Variants in SLC29A2 observed in about 807,000 individuals in gnomAD.
SLC29A2 encodes the protein equilibrative nucleoside transporter 2.
A neutral mutation model predicts 48.8 loss-of-function variants in SLC29A2; 37 were observed. The ratio of observed to expected loss-of-function variants is 0.76; its 90% CI spans 0.58 to 1.00. SLC29A2 has a LOEUF of 1.00. SLC29A2 is among the 50% of genes least tolerant of loss of function. The probability of loss-of-function intolerance (pLI) is 0.00; values close to 1 mark genes in which losing one functional copy is unlikely to be tolerated. For missense variants in SLC29A2, 533 were observed against 578.6 expected, an observed-to-expected ratio of 0.92 and a Z score of 0.81; for synonymous variants, 233 against 261.7, an observed-to-expected ratio of 0.89 and a Z score of 1.06.
chr11:66,368,059 C>T (rs192191867), intron 5 of SLC29A2, among the ~76,000 whole-genome samples, 190 bp from the exon 6 acceptor site: 1 of 152,298 alleles, frequency 6.6e-6, no homozygotes, highest in Admixed American at 6.5e-5. Context: ...TCTCACTTTC[C>T]CCATGTGTCA....
chr11:66,369,213 G>C lies in SLC29A2; in HGVS notation c.276-14C>G, dbSNP rs373134285. The C allele has an allele frequency of 8.2e-6, 13 of 1,577,394 alleles. No homozygotes were observed. The highest frequency in any genetic ancestry group is 1.0e-5 in the Non-Finnish European group (12 of 1,162,262). ...GTCTCCGGGACGCTGCTCAGAAGCA[G>C]GCAGAGTGCATCAGTGGGGCCCAGG... On this transcript the variant is annotated splice_polypyrimidine_tract_variant and intron_variant, in intron 3 of 11. Transcript: ENST00000357440.
chr11:66,366,626 C>A (rs575311069), intron 7 of SLC29A2, 62 bp from the exon 8 acceptor site: 17 of 1,578,938 alleles, frequency 1.1e-5, no homozygotes, highest in Non-Finnish European at 8.7e-7. Flanking sequence ...ACAGCCAGGC[C>A]CAACGAAGGG....
rs565145102 is a variant in SLC29A2 at position 66,369,862 on chromosome 11, C to T, written c.112-330G>A. Among the ~76,000 whole-genome samples, 27 of 152,308 alleles carry T rather than the reference C, an allele frequency of 1.8e-4. No homozygotes were observed. The East Asian group carries it at 2.3e-3, about 13-fold the overall frequency. On this transcript the variant is annotated intron_variant, in intron 2 of 11. Transcript: ENST00000357440. The stretch of plus-strand genomic sequence containing the variant: ...ATTCATTCCACGGGTATTTATTGAG[C>T]GCCTACTGTCAGCCAGGCTTTGGCC...
At chr11:66,366,358 C>T (rs1003966322) in intron 8 of SLC29A2, 73 bp downstream of exon 8, 1 of 1,611,976 alleles carries the variant, frequency 6.2e-7, no homozygotes, top group Non-Finnish European at 8.5e-7. Flanking sequence ...CACTGTGACC[C>T]TATGACCTTG....
At chr11:66,366,608 GTTT>G in intron 7 of SLC29A2, 44 bp from the exon 8 acceptor site, 3 of 1,604,980 alleles carry the variant, frequency 1.9e-6, no homozygotes. Flanking sequence ...TGTGACCCAG[GTTT>G]CCCGACAGCC....
At chr11:66,371,405 G>C in intron 1 of SLC29A2, 80 bp from the exon 2 acceptor site, 2 of 1,551,180 alleles carry the variant, frequency 1.3e-6, no homozygotes, top group Admixed American at 3.4e-5. Flanking sequence ...CACCCCCTCC[G>C]GAGCGGACTA....
Position 66,362,907 on chromosome 11 carries a change from C to G in SLC29A2, c.*529G>C. On this transcript the variant is annotated 3_prime_UTR_variant, in exon 12 of 12. Coordinates refer to ENST00000357440, the MANE Select transcript of SLC29A2 (RefSeq NM_001532.3). ...CCAGCTGGGCTCTGCGGAGTGGGTA[C>G]AGTAAGTGTTGGCAATGAAAACACT... is the stretch of plus-strand genomic sequence containing the variant. 1 of 202,460 alleles carries G rather than the reference C, an allele frequency of 4.9e-6. No individual in the cohort carries two copies. Among genetic ancestry groups the G allele is most frequent in the East Asian group, 1.2e-4 (1 of 8,152 alleles). The allele number at this position is 202,460 out of a possible 1,614,324, so 12.5% of individuals were successfully genotyped here.
chr11:66,369,778 T>C (rs1264154228), intron 2 of SLC29A2, among the ~76,000 whole-genome samples: 1 of 152,106 alleles, frequency 6.6e-6, no homozygotes, highest in East Asian at 1.9e-4. Flanking sequence ...GGACGGCCCC[T>C]CCTCTTCAGT....
chr11:66,362,952 C>A lies in SLC29A2; in HGVS notation c.*484G>T. 4.4e-6 allele frequency: 1 copy of A among 228,092 alleles called. No individual in the cohort carries two copies. Among genetic ancestry groups the A allele is most frequent in the African/African-American group, 2.3e-5 (1 of 43,736 alleles). The allele number at this position is 228,092 out of a possible 1,614,324, so 14.1% of individuals were successfully genotyped here. ...AACACTGCTTGAGGCTGAGCCTGGC[C>A]CTTTGAGCACCCTCAGGTCCTCCAC... On this transcript the variant is annotated 3_prime_UTR_variant, in exon 12 of 12. Coordinates refer to ENST00000357440, the MANE Select transcript of SLC29A2 (RefSeq NM_001532.3).
At position 66,366,539 on chromosome 11, in the gene SLC29A2, G is replaced by C; in HGVS notation, c.759C>G (p.Pro253=). The change falls in exon 8 of 12, where the codon CCC becomes CCG. Residue 253 remains proline, a synonymous_variant. Transcript: ENST00000357440. ...GATCCAGGGTCAGAGCTACTTTCTG[G>C]GGACTACTGGGAATCCCGTTCTCAT... ...QSDENGIPSS[P]QKVALTLDLD... 6.2e-7 allele frequency: 1 copy of C among 1,613,914 alleles called. No individual in the cohort carries two copies. The highest frequency in any genetic ancestry group is 2.2e-5 in the East Asian group (1 of 44,876).
chr11:66,366,137 G>A lies in SLC29A2; in HGVS notation c.962C>T (p.Pro321Leu). The A allele has an allele frequency of 1.2e-6, 2 of 1,613,848 alleles. No homozygotes were observed. Among genetic ancestry groups the A allele is most frequent in the Non-Finnish European group, 1.7e-6 (2 of 1,179,726 alleles). Residue 321 changes from proline (P) to leucine (L), a missense_variant, in exon 9 of 12, where the codon CCT becomes CTT. Pro to Leu is a moderately conservative substitution (Grantham distance 98). Coordinates refer to ENST00000357440, the MANE Select transcript of SLC29A2 (RefSeq NM_001532.3). ...ACCCTGACACTCACTCCACTTCCCA[G>A]GACTGGTGGAGCTGGTCACCATGGC... ...ITAMVTSSTS[P>L]GKWSQFFNPI...
chr11:66,368,888 C>T (rs529532521), intron 4 of SLC29A2, among the ~76,000 whole-genome samples, 172 bp downstream of exon 4: 3 of 152,190 alleles, frequency 2.0e-5, no homozygotes, highest in Non-Finnish European at 4.4e-5. Context: ...AGGCCTGCTC[C>T]TAGGTCACCG....
chr11:66,364,158 G>A, intron 11 of SLC29A2, 67 bp downstream of exon 11: 3 of 1,319,486 alleles, frequency 2.3e-6, no homozygotes, highest in East Asian at 2.5e-5. Flanking sequence ...ATTGCAGGCG[G>A]TCCCTTCCCA....
At chr11:66,367,653 T>C in intron 6 of SLC29A2, 105 bp from the exon 7 acceptor site, 2 of 1,475,126 alleles carry the variant, frequency 1.4e-6, no homozygotes, top group South Asian at 1.1e-5. Context: ...GTGTCTTCTC[T>C]GGGGGTCAGG....
intron 7 of SLC29A2, 26 bp downstream of exon 7, chr11:66,367,438 C>T: frequency 3.1e-6 from 5 of 1,605,744 alleles, no homozygotes; most frequent in Middle Eastern, 3.3e-4. Flanking sequence ...CATCTCCCAC[C>T]TCCCCAGGAG....
Position 66,371,584 on chromosome 11 carries a change from C to A in SLC29A2, c.8G>T (p.Arg3Leu), listed in dbSNP as rs372428410. MA[R>L]GDAPRDSYHL... ...TCACCTGTCCCGCGGGGCGTCTCCT[C>A]GCGCCATGGCCGCCGCGGCGGATGC... The change falls in exon 1 of 12, where the codon CGA becomes CTA. Residue 3 changes from arginine to leucine, a missense_variant. Coordinates refer to ENST00000357440, the MANE Select transcript of SLC29A2 (RefSeq NM_001532.3). 1.2e-5 allele frequency: 18 copies of A among 1,549,480 alleles called. No individual in the cohort carries two copies. In the African/African-American group the frequency reaches 1.6e-4, roughly 14 times the overall value.
In SLC29A2 at chr11:66,366,174, G is replaced by T; in HGVS notation, c.925C>A (p.Pro309Thr). 6.2e-7 allele frequency: 1 copy of T among 1,614,218 alleles called. No individual in the cohort carries two copies. The highest frequency in any genetic ancestry group is 1.1e-5 in the South Asian group (1 of 91,088). The stretch of plus-strand genomic sequence containing the variant: ...CTGGTCACCATGGCTGTGATGGCGG[G>T]GAAGACGGACAGGGTGACTGTGAAG... ...LVFTVTLSVF[P>T]AITAMVTSST... The change falls in exon 9 of 12, where the codon CCC (proline) becomes ACC (threonine). Residue 309 changes from proline (P) to threonine (T), a missense_variant. Physicochemically the swap from Pro to Thr is conservative, Grantham distance 38. Coordinates refer to ENST00000357440, the MANE Select transcript of SLC29A2 (RefSeq NM_001532.3).
Position 66,366,498 on chromosome 11 carries a change from T to G in SLC29A2, c.800A>C (p.Glu267Ala), listed in dbSNP as rs766272992. The G allele has an allele frequency of 1.7e-5, 28 of 1,613,950 alleles. 1 individual carries two copies. The South Asian group carries it at 3.1e-4, about 18-fold the overall frequency. ...GGGCTCATCTGGCTCTGATTCCGGC[T>G]CCTTCTCCAGGTCAAGATCCAGGGT... ...ALTLDLDLEK[E>A]PESEPDEPQK... Residue 267 changes from glutamate (E) to alanine (A), a missense_variant, in exon 8 of 12, where the codon GAG becomes GCG. Glu to Ala is a moderately radical substitution (Grantham distance 107). Coordinates refer to ENST00000357440, the MANE Select transcript of SLC29A2 (RefSeq NM_001532.3).
chr11:66,364,158 G>GTC, intron 11 of SLC29A2, 67 bp downstream of exon 11: 1 of 1,319,486 alleles, frequency 7.6e-7, no homozygotes, highest in Non-Finnish European at 1.1e-6. Flanking sequence ...ATTGCAGGCG[G>GTC]TCCCTTCCCA....
Sources: allele counts gnomAD v4.1 joint callset (sites outside exome capture counted in the v4.1 genomes callset), GRCh38; gene constraint gnomAD v4.1.1; transcripts MANE v1.5; gene names NCBI Gene and HGNC (gene_info 2026-07-23, HGNC 2026-07-21).